Variants in AHCYL2 observed in about 807,000 individuals in gnomAD.
AHCYL2 encodes the protein S-adenosylhomocysteine hydrolase-like protein 2.
AHCYL2 carries 28 observed loss-of-function variants against 81.4 expected under a neutral mutation model. The observed-to-expected ratio is 0.34, with a 90% confidence interval of 0.25 to 0.47. The LOEUF is 0.47. Ranked by LOEUF, AHCYL2 falls within the 20% of genes least tolerant of loss-of-function variation. AHCYL2 has a pLI of 1.00. For missense variants in AHCYL2, 551 were observed against 785.1 expected (o/e 0.70, Z 3.56); for synonymous variants, 272 against 290.2 (o/e 0.94, Z 0.64).
At chr7:129,245,256 C>G (rs1439105122) in intron 1 of AHCYL2, among the ~76,000 whole-genome samples, 4 of 152,106 alleles carry the variant, frequency 2.6e-5, no homozygotes, top group Non-Finnish European at 4.4e-5. Flanking sequence ...AACTCCTGAC[C>G]TCAGGTGATC....
At chr7:129,384,694 A>G (rs890721249) in intron 2 of AHCYL2, among the ~76,000 whole-genome samples, 38 of 152,224 alleles carry the variant, frequency 2.5e-4, no homozygotes, top group Non-Finnish European at 5.6e-4. Flanking sequence ...GCTTTCATTT[A>G]GGAACCTCTG....
chr7:129,270,161 T>G (rs1242889426), intron 1 of AHCYL2, among the ~76,000 whole-genome samples: 1 of 152,208 alleles, frequency 6.6e-6, no homozygotes, highest in African/African-American at 2.4e-5. Context: ...TTCCTTTAGA[T>G]CCTTCCTCAT....
At chr7:129,407,293 A>C (rs1796353191) in intron 10 of AHCYL2, among the ~76,000 whole-genome samples, 1 of 152,188 alleles carries the variant, frequency 6.6e-6, no homozygotes, top group South Asian at 2.1e-4. Flanking sequence ...TGGAGGCTGC[A>C]GTGAGTTGTG....
intron 1 of AHCYL2, among the ~76,000 whole-genome samples, chr7:129,247,477 ATG>A (rs1232177735): frequency 2.0e-5 from 3 of 152,200 alleles, no homozygotes; most frequent in African/African-American, 7.2e-5. Flanking sequence ...TTTTTCAGAT[ATG>A]TGATTTGCAA....
intron 13 of AHCYL2, 114 bp from the exon 14 acceptor site, chr7:129,424,760 A>G: frequency 9.3e-7 from 1 of 1,078,450 alleles, no homozygotes; most frequent in Non-Finnish European, 1.4e-6. Flanking sequence ...CTTTTTTTCC[A>G]GCAGTGTTAG....
At chr7:129,346,990 T>A (rs1426990157) in intron 1 of AHCYL2, among the ~76,000 whole-genome samples, 1 of 152,148 alleles carries the variant, frequency 6.6e-6, no homozygotes, top group Non-Finnish European at 1.5e-5. Flanking sequence ...TGAAAACATA[T>A]GATAGAAGCT....
At chr7:129,299,309 G>A (rs6467235) in intron 1 of AHCYL2, among the ~76,000 whole-genome samples, 33,401 of 141,718 alleles carry the variant, frequency 0.24, 4,178 homozygotes, top group South Asian at 0.37. Flanking sequence ...AACTATCCGG[G>A]CATAGTGGCT....
At position 129,299,369 on chromosome 7, in the gene AHCYL2, G is replaced by GT. The variant is rs71162592; in HGVS notation, c.363+73972dup. ...AGGCTGAGGTGGGAGAGTCCAACTT[G>GT]TTTTTTTTTTTTTTTTTTTTTTTTT... On this transcript the variant is annotated intron_variant, in intron 1 of 16. Transcript: ENST00000325006. Among the ~76,000 whole-genome samples, 11 of 46,304 alleles carry GT rather than the reference G, an allele frequency of 2.4e-4. 3 individuals are homozygous for GT. Among genetic ancestry groups the GT allele is most frequent in the East Asian group, 9.1e-4 (1 of 1,104 alleles). 30.4% of individuals were successfully genotyped at this position (46,304 alleles called of 152,430 possible).
At chr7:129,357,416 A>C (rs1436457751) in intron 1 of AHCYL2, among the ~76,000 whole-genome samples, 1 of 152,212 alleles carries the variant, frequency 6.6e-6, no homozygotes, top group Non-Finnish European at 1.5e-5. Context: ...TCTAAGTCTA[A>C]AATTATTTCA....
chr7:129,242,991 C>T (rs575047730), intron 1 of AHCYL2, among the ~76,000 whole-genome samples: 23 of 147,408 alleles, frequency 1.6e-4, no homozygotes, highest in Admixed American at 6.8e-4. Flanking sequence ...ATCCCAGTGG[C>T]GTTTTCTTAT....
At chr7:129,362,315 C>CA (rs937471070) in intron 1 of AHCYL2, among the ~76,000 whole-genome samples, 2 of 151,848 alleles carry the variant, frequency 1.3e-5, no homozygotes, top group Admixed American at 6.6e-5. Context: ...ATGTTGAGTC[C>CA]AAAAAATACC....
intron 1 of AHCYL2, among the ~76,000 whole-genome samples, chr7:129,349,407 G>C (rs1793471291): frequency 7.0e-6 from 1 of 143,332 alleles, no homozygotes; most frequent in South Asian, 2.2e-4. Context: ...GCTGAGGCGA[G>C]AGAATCACCT....
At chr7:129,349,433 C>A (rs1445171112) in intron 1 of AHCYL2, among the ~76,000 whole-genome samples, 1 of 134,092 alleles carries the variant, frequency 7.5e-6, no homozygotes, top group African/African-American at 2.8e-5. Context: ...CAGTTCGAGA[C>A]TAGCCTGGCC....
chr7:129,244,980 A>C (rs1217005157), intron 1 of AHCYL2, among the ~76,000 whole-genome samples: 4 of 150,948 alleles, frequency 2.6e-5, no homozygotes, highest in Non-Finnish European at 5.9e-5. Context: ...TGTAAAATCC[A>C]CCCATTACAA....
intron 1 of AHCYL2, among the ~76,000 whole-genome samples, chr7:129,231,312 T>C (rs1794429427): frequency 6.6e-6 from 1 of 151,822 alleles, no homozygotes; most frequent in Non-Finnish European, 1.5e-5. Context: ...AGGAAGACAA[T>C]TACTACTACT....
intron 1 of AHCYL2, among the ~76,000 whole-genome samples, chr7:129,371,365 A>G (rs75478868): frequency 0.049 from 7,484 of 152,286 alleles, 250 homozygotes; most frequent in Non-Finnish European, 0.073. Flanking sequence ...TAGGACTCAC[A>G]CCACATATAA....
chr7:129,307,638 C>T (rs1350316997), intron 1 of AHCYL2, among the ~76,000 whole-genome samples: 1 of 151,838 alleles, frequency 6.6e-6, no homozygotes, highest in Non-Finnish European at 1.5e-5. Context: ...GACAAAGTCT[C>T]CTTTATTCTT....
chr7:129,228,618 C>T (rs978736003), intron 1 of AHCYL2, among the ~76,000 whole-genome samples: 1 of 152,146 alleles, frequency 6.6e-6, no homozygotes, highest in Non-Finnish European at 1.5e-5. Flanking sequence ...GGATTTCTTC[C>T]TTGTGTTCTT....
chr7:129,377,915 A>G (rs1794767267), intron 1 of AHCYL2, among the ~76,000 whole-genome samples: 1 of 152,246 alleles, frequency 6.6e-6, no homozygotes, highest in Non-Finnish European at 1.5e-5. Context: ...TGAGGCTTAT[A>G]CATATTCATT....
Sources: allele counts gnomAD v4.1 joint callset (sites outside exome capture counted in the v4.1 genomes callset), GRCh38; gene constraint gnomAD v4.1.1; transcripts MANE v1.5; gene names NCBI Gene and HGNC (gene_info 2026-07-23, HGNC 2026-07-21).